NR1H4: variants seen among roughly 807,000 people sequenced by gnomAD.
NR1H4 encodes nuclear receptor subfamily 1 group H member 4, also known as bile acid receptor.
A neutral mutation model predicts 58.5 loss-of-function variants in NR1H4; 23 were observed. The observed-to-expected ratio is 0.39, with a 90% CI of 0.28 to 0.56. The LOEUF is 0.56. NR1H4 is among the 20% of genes least tolerant of loss of function. The probability of loss-of-function intolerance (pLI) is 0.58; values close to 1 mark genes in which losing one functional copy is unlikely to be tolerated. For synonymous variants in NR1H4, 214 were observed against 198.0 expected, an observed-to-expected ratio of 1.08 and a Z score of -0.68; for missense variants, 487 against 576.9, an observed-to-expected ratio of 0.84 and a Z score of 1.60.
At chr12:100,483,833 A>G (rs914794926) in intron 1 of NR1H4, among the ~76,000 whole-genome samples, 2 of 151,888 alleles carry the variant, frequency 1.3e-5, no homozygotes, top group Admixed American at 6.6e-5. Context: ...AAAATACAAA[A>G]ATTAGCTGGG....
At chr12:100,549,933 A>G (rs1192724103) in intron 9 of NR1H4, among the ~76,000 whole-genome samples, 1 of 152,210 alleles carries the variant, frequency 6.6e-6, no homozygotes, top group African/African-American at 2.4e-5. Context: ...TTATGCTAAT[A>G]CAATCATTCT....
At chr12:100,532,685 T>A in intron 5 of NR1H4, 75 bp downstream of exon 5, 1 of 1,351,584 alleles carries the variant, frequency 7.4e-7, no homozygotes, top group Non-Finnish European at 1.1e-6. Flanking sequence ...ATCACGAGAG[T>A]GCTACTTCAC....
chr12:100,503,507 G>A lies in NR1H4; in HGVS notation c.80-7271G>A, dbSNP rs767116594. 4.4e-6 allele frequency: 7 copies of A among 1,576,758 alleles called. No homozygotes were observed. In the South Asian group the frequency reaches 5.8e-5, roughly 13 times the overall value. On this transcript the variant is annotated intron_variant, in intron 3 of 10. Coordinates refer to ENST00000392986, the MANE Select transcript of NR1H4 (RefSeq NM_001206979.2). ...TGAAGCCCGCGAAAGGTAGGACACT[G>A]TTCACAGGTGCTTTCAGGTCGAGCT...
chr12:100,532,641 A>C lies in NR1H4; in HGVS notation c.598+31A>C, dbSNP rs768653870. On this transcript the variant is annotated intron_variant, in intron 5 of 10. Coordinates refer to ENST00000392986, the MANE Select transcript of NR1H4 (RefSeq NM_001206979.2). ...CACTTCAAGCAATTACATTTCACTA[A>C]AAATCTCTTAAGGAGGCAGATGTCA... 18 of 1,605,728 alleles carry C rather than the reference A, an allele frequency of 1.1e-5. No individual in the cohort carries two copies. In the African/African-American group the frequency reaches 2.1e-4, roughly 19 times the overall value.
At chr12:100,549,837 C>CAGTGGG (rs1438780530) in intron 9 of NR1H4, among the ~76,000 whole-genome samples, 4 of 152,138 alleles carry the variant, frequency 2.6e-5, no homozygotes, top group Non-Finnish European at 5.9e-5. Context: ...TTCCTTCTCC[C>CAGTGGG]AGTGGGTTTT....
At chr12:100,477,458 G>C (rs1215970166) in intron 1 of NR1H4, among the ~76,000 whole-genome samples, 1 of 151,852 alleles carries the variant, frequency 6.6e-6, no homozygotes, top group Non-Finnish European at 1.5e-5. Context: ...CCTTTCCCAG[G>C]TCTCAATGAA....
At chr12:100,474,174 A>G (rs1217705989) in intron 1 of NR1H4, 115 bp downstream of exon 1, 1 of 152,212 alleles carries the variant, frequency 6.6e-6, no homozygotes, top group African/African-American at 2.4e-5. Flanking sequence ...ATGAATTCTA[A>G]GTTAGTAGAG....
chr12:100,554,362 A>C (rs1301172813), intron 9 of NR1H4, among the ~76,000 whole-genome samples: 1 of 151,400 alleles, frequency 6.6e-6, no homozygotes, highest in Non-Finnish European at 1.5e-5. Context: ...ACTAGGATAT[A>C]TGTCTAGTGT....
intron 3 of NR1H4, among the ~76,000 whole-genome samples, chr12:100,498,042 G>A (rs931670759): frequency 7.2e-5 from 11 of 152,082 alleles, no homozygotes; most frequent in Non-Finnish European, 1.3e-4. Flanking sequence ...ATAAAATAGC[G>A]GGAAATGAAA....
intron 3 of NR1H4, chr12:100,503,338 C>G: frequency 6.4e-7 from 1 of 1,572,950 alleles, no homozygotes; most frequent in Non-Finnish European, 8.6e-7. Flanking sequence ...CCTCTGTCCT[C>G]TCTCACTCCT....
chr12:100,530,620 TTA>T (rs1954668914), intron 4 of NR1H4, among the ~76,000 whole-genome samples: 2 of 152,186 alleles, frequency 1.3e-5, no homozygotes, highest in South Asian at 4.1e-4. Context: ...GAGTTGGAAA[TTA>T]TAGAGAGGTC....
chr12:100,556,303 A>C (rs1482719094), intron 9 of NR1H4, among the ~76,000 whole-genome samples: 2 of 152,134 alleles, frequency 1.3e-5, no homozygotes, highest in African/African-American at 2.4e-5. Context: ...CCCCGTATCT[A>C]CTAAAAATAT....
chr12:100,524,347 G>T (rs1225412273), intron 4 of NR1H4, among the ~76,000 whole-genome samples: 3 of 152,194 alleles, frequency 2.0e-5, no homozygotes, highest in Admixed American at 6.5e-5. Flanking sequence ...ACCTCCCAGT[G>T]CTGGAATTCA....
intron 1 of NR1H4, among the ~76,000 whole-genome samples, chr12:100,476,296 C>G (rs1197628842): frequency 6.6e-6 from 1 of 152,134 alleles, no homozygotes. Context: ...TTGTTAAACC[C>G]AGGAACTAGT....
intron 9 of NR1H4, among the ~76,000 whole-genome samples, chr12:100,542,662 G>A (rs964738927): frequency 2.0e-5 from 3 of 152,126 alleles, no homozygotes; most frequent in African/African-American, 4.8e-5. Context: ...TTTTAAAACC[G>A]ATATTTTAAG....
intron 1 of NR1H4, among the ~76,000 whole-genome samples, chr12:100,476,493 G>A (rs1342156681): frequency 6.6e-6 from 1 of 152,084 alleles, no homozygotes; most frequent in Non-Finnish European, 1.5e-5. Context: ...CTGTGATTAG[G>A]GACATCTTAG....
intron 4 of NR1H4, among the ~76,000 whole-genome samples, chr12:100,524,361 A>G (rs1279081504): frequency 6.6e-6 from 1 of 152,208 alleles, no homozygotes; most frequent in Non-Finnish European, 1.5e-5. Context: ...GAATTCACCT[A>G]TTAGAAACCC....
chr12:100,483,631 T>C (rs1477192006), intron 1 of NR1H4, among the ~76,000 whole-genome samples: 1 of 152,186 alleles, frequency 6.6e-6, no homozygotes, highest in African/African-American at 2.4e-5. Flanking sequence ...GAAGACCAAA[T>C]ACTTGGAAAA....
intron 1 of NR1H4, 39 bp downstream of exon 1, chr12:100,474,098 C>G (rs1239389598): frequency 6.6e-6 from 1 of 152,102 alleles, no homozygotes; most frequent in Non-Finnish European, 1.5e-5. Flanking sequence ...TTGTGTATCT[C>G]ACAGCAACAG....
Sources: gnomAD v4.1 joint callset for allele counts (sites outside exome capture counted in the v4.1 genomes callset) on GRCh38, gnomAD v4.1.1 for gene constraint, MANE v1.5 for transcripts, NCBI Gene and HGNC (gene_info 2026-07-23, HGNC 2026-07-21) for gene names.